PDGFRA: variants seen among roughly 807,000 people sequenced by gnomAD.
PDGFRA encodes platelet derived growth factor receptor alpha, also known as platelet-derived growth factor receptor alpha.
Under a neutral mutation model 121.5 loss-of-function variants are expected in PDGFRA, and 25 were observed. The ratio of observed to expected loss-of-function variants is 0.21; its 90% CI spans 0.15 to 0.29. The LOEUF (loss-of-function observed/expected upper bound fraction) is 0.29. Among genes scored for constraint, PDGFRA ranks in the 10% least tolerant of loss-of-function variants. PDGFRA has a pLI of 1.00. For missense variants in PDGFRA, 1,008 were observed against 1,345.1 expected, an observed-to-expected ratio of 0.75 and a Z score of 3.92; for synonymous variants, 463 against 494.8, an observed-to-expected ratio of 0.94 and a Z score of 0.85.
intron 1 of PDGFRA, among the ~76,000 whole-genome samples, chr4:54,251,506 A>G (rs563595128): frequency 6.6e-6 from 1 of 152,340 alleles, no homozygotes; most frequent in African/African-American, 2.4e-5. Context: ...ATAGGACACA[A>G]TTAAAGAAAC....
intron 8 of PDGFRA, among the ~76,000 whole-genome samples, chr4:54,271,263 C>T (rs564426973): frequency 1.3e-5 from 2 of 152,306 alleles, no homozygotes; most frequent in South Asian, 4.1e-4. Context: ...AGGCTCAGCA[C>T]CTATCCAGAG....
chr4:54,268,168 A>C (rs1055221505), intron 7 of PDGFRA, among the ~76,000 whole-genome samples: 2 of 152,190 alleles, frequency 1.3e-5, no homozygotes, highest in Non-Finnish European at 2.9e-5. Context: ...CTTAATCTGG[A>C]ACCCATTTGC....
At chr4:54,277,830 G>GT (rs1329331315) in intron 13 of PDGFRA, 66 bp from the exon 14 acceptor site, 15 of 1,060,044 alleles carry the variant, frequency 1.4e-5, no homozygotes, top group African/African-American at 4.7e-5. Context: ...CATATTCTTG[G>GT]TTTTTTTCTG....
At chr4:54,274,684 C>T (rs2110297710) in intron 11 of PDGFRA, 59 bp downstream of exon 11, 6 of 1,468,452 alleles carry the variant, frequency 4.1e-6, no homozygotes, top group Non-Finnish European at 5.7e-6. Context: ...AGCATAGCAA[C>T]CTAGTTCAGT....
chr4:54,275,085 C>T, intron 12 of PDGFRA, 112 bp downstream of exon 12: 1 of 1,155,662 alleles, frequency 8.7e-7, no homozygotes, highest in Non-Finnish European at 1.3e-6. Context: ...AAGAACTAGG[C>T]AATGGAAATT....
rs2110345195 is a variant in PDGFRA at position 54,288,907 on chromosome 4, C to T, written c.2774+9C>T. 2 of 1,591,826 alleles carry T rather than the reference C, an allele frequency of 1.3e-6. No individual in the cohort carries two copies. The highest frequency in any genetic ancestry group is 1.7e-6 in the Non-Finnish European group (2 of 1,159,584). On this transcript the variant is annotated intron_variant, in intron 20 of 22. Coordinates refer to ENST00000257290, the MANE Select transcript of PDGFRA (RefSeq NM_006206.6). ...CACGCTACCAGTGAAGTGTGAGCTC[C>T]TTCCCCATCCCGGGGGCCTGTGTTC...
chr4:54,241,027 A>G (rs1215033905), intron 1 of PDGFRA, among the ~76,000 whole-genome samples: 1 of 152,228 alleles, frequency 6.6e-6, no homozygotes, highest in Admixed American at 6.5e-5. Context: ...GTGCTCATAA[A>G]AAGAGTAAAT....
At chr4:54,233,538 A>G (rs1368716615) in intron 1 of PDGFRA, among the ~76,000 whole-genome samples, 2 of 152,010 alleles carry the variant, frequency 1.3e-5, no homozygotes, top group African/African-American at 4.8e-5. Context: ...ATCTCAGTGG[A>G]GCGCAGCGCT....
At position 54,258,972 on chromosome 4, in the gene PDGFRA, C is replaced by G. The variant is rs185907393; in HGVS notation, c.49+155C>G. 7.2e-5 allele frequency among the ~76,000 whole-genome samples: 11 copies of G among 152,292 alleles called. No individual in the cohort carries two copies. In the East Asian group the frequency reaches 2.1e-3, roughly 29 times the overall value. On this transcript the variant is annotated intron_variant, in intron 2 of 22. Coordinates refer to ENST00000257290, the MANE Select transcript of PDGFRA (RefSeq NM_006206.6). ...GGACGTTATCCAGAATGACCACAAA[C>G]CTTCAGTTCCCTTTGCTGTATTGCA...
rs771646191 is a variant in PDGFRA at position 54,273,529 on chromosome 4, C to T, written c.1365-8C>T. The T allele has an allele frequency of 6.2e-7, 1 of 1,612,988 alleles. No individual in the cohort carries two copies. Among genetic ancestry groups the T allele is most frequent in the Non-Finnish European group, 8.5e-7 (1 of 1,179,072 alleles). ...TTGGCCCTATACTTAGGCCCTTTTT[C>T]TCTCTAGATGTAATAATGAAACTTC... On this transcript the variant is annotated splice_region_variant and splice_polypyrimidine_tract_variant and intron_variant, in intron 9 of 22. Transcript: ENST00000257290.
Position 54,274,635 on chromosome 4 carries a change from T to C in PDGFRA, c.1653+10T>C, listed in dbSNP as rs1723610719. The C allele has an allele frequency of 6.3e-7, 1 of 1,599,868 alleles. No homozygotes were observed. Among genetic ancestry groups the C allele is most frequent in the African/African-American group, 1.3e-5 (1 of 74,646 alleles). ...TGTCATTTGGAAACAGGTAGATATTTTCTCATAAAACTAAAGATCTTTGAA... is the reference window on the plus strand; with the variant it reads ...TGTCATTTGGAAACAGGTAGATATTCTCTCATAAAACTAAAGATCTTTGAA... On this transcript the variant is annotated intron_variant, in intron 11 of 22. Coordinates refer to ENST00000257290, the MANE Select transcript of PDGFRA (RefSeq NM_006206.6).
At position 54,265,108 on chromosome 4, in the gene PDGFRA, G is replaced by C. The variant is rs907319010; in HGVS notation, c.759+59G>C. On this transcript the variant is annotated intron_variant, in intron 5 of 22. Transcript: ENST00000257290. ...CAGAGCAACAGGGCTCAGAAGACCT[G>C]CATTTGAGCTCGGTCTGTCACTGAT... 2.1e-5 allele frequency: 33 copies of C among 1,554,396 alleles called. No homozygotes were observed. The East Asian group carries it at 6.7e-4, about 32-fold the overall frequency.
rs113587599 is a variant in PDGFRA, at chr4:54,255,705, C to T, written c.-12-3052C>T. 2.2e-4 allele frequency among the ~76,000 whole-genome samples: 34 copies of T among 152,062 alleles called. 1 individual carries two copies. The highest frequency in any genetic ancestry group is 5.5e-4 in the African/African-American group (23 of 41,478). On this transcript the variant is annotated intron_variant, in intron 1 of 22. Coordinates refer to ENST00000257290, the MANE Select transcript of PDGFRA (RefSeq NM_006206.6). ...TATTTTTAGTAGAGACAGGGTTTCA[C>T]CGTGTTAGCCAGGATGGTCTCCATC...
At chr4:54,242,947 A>G (rs892379141) in intron 1 of PDGFRA, among the ~76,000 whole-genome samples, 2 of 152,196 alleles carry the variant, frequency 1.3e-5, no homozygotes, top group Non-Finnish European at 2.9e-5. Flanking sequence ...ATTACTTTGC[A>G]TTATGAGGGA....
At position 54,295,238 on chromosome 4, in the gene PDGFRA, A is replaced by T. The variant is rs1560496172; in HGVS notation, c.3236A>T (p.Asp1079Val). The T allele has an allele frequency of 6.2e-7, 1 of 1,613,888 alleles. No individual in the cohort carries two copies. The highest frequency in any genetic ancestry group is 1.1e-5 in the South Asian group (1 of 91,052). ...GACATGATGGATGACATCGGCATAG[A>T]CTCTTCAGACCTGGTGGAAGACAGC... ...DIDMMDDIGI[D>V]SSDLVEDSFL The change falls in exon 23 of 23, where the codon GAC becomes GTC. Residue 1079 changes from aspartate (D) to valine (V), a missense_variant. Asp to Val is a radical substitution (Grantham distance 152). Around this residue, in one of 5 missense-constraint regions of PDGFRA, gnomAD observed 204 missense variants for 243.0 expected, o/e 0.84. Transcript: ENST00000257290.
chr4:54,245,831 G>C lies in PDGFRA; in HGVS notation c.-12-12926G>C, dbSNP rs530997192. 8.5e-3 allele frequency among the ~76,000 whole-genome samples: 1,129 copies of C among 133,596 alleles called. 8 individuals are homozygous for C. The highest frequency in any genetic ancestry group is 0.028 in the African/African-American group (1,021 of 36,004). The allele number at this position is 133,596 out of a possible 152,430, so 87.6% of individuals were successfully genotyped here. Reference sequence around the variant, plus strand: ...ATTCAGGAAACCCATCTCACGTGCAGAGACACACATAGGCTCAAAATAAAA... The same window carrying C: ...ATTCAGGAAACCCATCTCACGTGCACAGACACACATAGGCTCAAAATAAAA... On this transcript the variant is annotated intron_variant, in intron 1 of 22. Transcript: ENST00000257290.
At position 54,272,551 on chromosome 4, in the gene PDGFRA, G is replaced by A. The variant is rs192763507; in HGVS notation, c.1364+31G>A. The A allele has an allele frequency of 2.7e-4, 442 of 1,608,048 alleles. 1 individual carries two copies. The Admixed American group carries it at 6.2e-3, about 23-fold the overall frequency. On this transcript the variant is annotated intron_variant, in intron 9 of 22. Coordinates refer to ENST00000257290, the MANE Select transcript of PDGFRA (RefSeq NM_006206.6). Reference sequence around the variant, plus strand: ...GAAAACAGATGTGTCTTCTTCTTTCGTGGTCAGAATATTTCTCCCTTGACA... The same window carrying A: ...GAAAACAGATGTGTCTTCTTCTTTCATGGTCAGAATATTTCTCCCTTGACA...
At chr4:54,267,507 C>T (rs1330507145) in intron 6 of PDGFRA, 45 bp from the exon 7 acceptor site, 1 of 1,613,196 alleles carries the variant, frequency 6.2e-7, no homozygotes, top group Non-Finnish European at 8.5e-7. Context: ...TGCTCGGGAT[C>T]CATATGTGGT....
chr4:54,230,992 G>GGAGCCA (rs1449539308), intron 1 of PDGFRA, among the ~76,000 whole-genome samples: 1 of 152,238 alleles, frequency 6.6e-6, no homozygotes, highest in African/African-American at 2.4e-5. Flanking sequence ...GTTGCCAGAG[G>GGAGCCA]GAGCCAGGAG....
Sources: gnomAD v4.1 joint callset for allele counts (sites outside exome capture counted in the v4.1 genomes callset) on GRCh38, gnomAD v4.1.1 for gene constraint, gnomAD v4.1.1 regional missense constraint, MANE v1.5 for transcripts, NCBI Gene and HGNC (gene_info 2026-07-23, HGNC 2026-07-21) for gene names.